MED16: variants seen among roughly 807,000 people sequenced by gnomAD.
MED16 encodes the protein mediator complex subunit 16.
Under a neutral mutation model 84.4 loss-of-function variants are expected in MED16, and 81 were observed. That is an observed-to-expected ratio of 0.96 (90% confidence interval 0.80 to 1.15). The LOEUF (loss-of-function observed/expected upper bound fraction) is 1.15, where lower values mean the gene tolerates loss of function less well. MED16 is among the 50% of genes most tolerant of loss of function. The probability of loss-of-function intolerance (pLI) is 0.00; values close to 1 mark genes in which losing one functional copy is unlikely to be tolerated. For synonymous variants in MED16, 897 were observed against 552.2 expected (o/e 1.62, Z -8.76); for missense variants, 1,585 against 1,245.9 (o/e 1.27, Z -4.10).
chr19:888,616 T>C (rs1430762630), intron 4 of MED16, among the ~76,000 whole-genome samples: 1 of 151,606 alleles, frequency 6.6e-6, no homozygotes, highest in East Asian at 1.9e-4. Flanking sequence ...CTGGACCGTG[T>C]GGGCTGCACA....
At chr19:882,869 T>C (rs112556341) in intron 6 of MED16, among the ~76,000 whole-genome samples, 2,820 of 152,260 alleles carry the variant, frequency 0.019, 44 homozygotes, top group Non-Finnish European at 0.024. Flanking sequence ...CTTGACCTCC[T>C]GCAAACCCGT....
chr19:888,630 T>C (rs117636494), intron 4 of MED16, among the ~76,000 whole-genome samples: 3,858 of 151,440 alleles, frequency 0.025, 55 homozygotes, highest in Middle Eastern at 0.079. Flanking sequence ...CTGCACACTC[T>C]CAATGGGTGA....
intron 13 of MED16, 53 bp downstream of exon 13, chr19:870,984 G>C (rs530725204): frequency 1.4e-6 from 2 of 1,460,256 alleles, no homozygotes; most frequent in African/African-American, 2.9e-5. Flanking sequence ...TCCCGGGGCA[G>C]GACACGGAGG....
Position 868,497 on chromosome 19 carries a change from C to T in MED16, c.2402G>A (p.Cys801Tyr). ...PTEECKACTR[C>Y]GCVTMLKSPN... Reference sequence around the variant, plus strand: ...CGACTTGAGCATGGTGACACAGCCGCACCTGCGGGGAGGCAGGCACTGAGC... The same window carrying T: ...CGACTTGAGCATGGTGACACAGCCGTACCTGCGGGGAGGCAGGCACTGAGC... Residue 801 changes from cysteine (C) to tyrosine (Y), a missense_variant and splice_region_variant, in exon 15 of 16, where the codon TGC (cysteine) becomes TAC (tyrosine). Transcript: ENST00000325464. 6.2e-7 allele frequency: 1 copy of T among 1,610,086 alleles called. No individual in the cohort carries two copies. Among genetic ancestry groups the T allele is most frequent in the Non-Finnish European group, 8.5e-7 (1 of 1,179,828 alleles).
chr19:873,659 C>T lies in MED16; in HGVS notation c.1772-77G>A, dbSNP rs559105777. 146 of 1,544,618 alleles carry T rather than the reference C, an allele frequency of 9.5e-5. 1 individual carries two copies. In the East Asian group the frequency reaches 2.6e-3, roughly 27 times the overall value. Reference sequence around the variant, plus strand: ...GACCTAACTGCACCCCTCGGTCCTTCGACCTGCACTGAGTGCCCACCCAGT... The same window carrying T: ...GACCTAACTGCACCCCTCGGTCCTTTGACCTGCACTGAGTGCCCACCCAGT... On this transcript the variant is annotated intron_variant, in intron 10 of 15. Transcript: ENST00000325464.
intron 1 of MED16, among the ~76,000 whole-genome samples, 166 bp from the exon 2 acceptor site, chr19:891,315 T>C (rs1027490436): frequency 6.6e-6 from 1 of 152,028 alleles, no homozygotes; most frequent in Non-Finnish European, 1.5e-5. Context: ...AGGGGGAACA[T>C]GGAGAGGTCA....
At chr19:872,951 G>GAGGGCTCCGAGGGAGGGC (rs2036120897) in intron 11 of MED16, 1 of 949,054 alleles carries the variant, frequency 1.1e-6, no homozygotes, top group South Asian at 2.9e-5. Flanking sequence ...CGAGGTGGGG[G>GAGGGCTCCGAGGGAGGGC]AGGGCTCCGA....
chr19:878,383 C>T lies in MED16; in HGVS notation c.1354-1203G>A, dbSNP rs1322901789. ...AGCCCCAGCCCCAGCCCCAGCCCCA[C>T]GTGCCCCAGCAGCTCACCTTTCCCT... On this transcript the variant is annotated intron_variant, in intron 8 of 15. Transcript: ENST00000325464. Among the ~76,000 whole-genome samples the T allele has an allele frequency of 6.9e-5, 7 of 101,046 alleles. No individual in the cohort carries two copies. The Admixed American group carries it at 8.7e-4, about 13-fold the overall frequency. 66.3% of individuals were successfully genotyped at this position (101,046 alleles called of 152,430 possible).
At chr19:889,543 G>C (rs1326304725) in intron 4 of MED16, 95 bp downstream of exon 4, 4 of 1,465,872 alleles carry the variant, frequency 2.7e-6, no homozygotes, top group Non-Finnish European at 3.7e-6. Context: ...CAAAAAACCA[G>C]GGGATGCTGG....
At chr19:891,568 G>A (rs1294293046) in intron 1 of MED16, among the ~76,000 whole-genome samples, 4 of 152,196 alleles carry the variant, frequency 2.6e-5, no homozygotes, top group South Asian at 2.1e-4. Flanking sequence ...GCGGTGGGGC[G>A]GCTCCCTGTA....
Position 871,975 on chromosome 19 carries a change from C to CT in MED16, c.2048dup (p.Asp684GlyfsTer20). 1 of 1,604,416 alleles carries CT rather than the reference C, an allele frequency of 6.2e-7. No homozygotes were observed. The highest frequency in any genetic ancestry group is 8.5e-7 in the Non-Finnish European group (1 of 1,176,872). The stretch of plus-strand genomic sequence containing the variant: ...GGCGGAAGAGCAGGGACATGCTGTC[C>CT]TGGGTATCCGAGGTGGCCGTATACA... On this transcript the variant is annotated frameshift_variant, in exon 12 of 16. Transcript: ENST00000325464. LOFTEE classifies it high-confidence loss of function.
At position 869,741 on chromosome 19, in the gene MED16, T is replaced by C. The variant is rs1025185678; in HGVS notation, c.2316-795A>G. 2.0e-5 allele frequency among the ~76,000 whole-genome samples: 3 copies of C among 152,222 alleles called. No individual in the cohort carries two copies. In the East Asian group the frequency reaches 5.8e-4, roughly 29 times the overall value. Reference sequence around the variant, plus strand: ...GGGCTGCTGGAGGTTCACTTCATTTTCTTCCTTTTGCTCATCTGTGTTTTC... The same window carrying C: ...GGGCTGCTGGAGGTTCACTTCATTTCCTTCCTTTTGCTCATCTGTGTTTTC... On this transcript the variant is annotated intron_variant, in intron 13 of 15. Coordinates refer to ENST00000325464, the MANE Select transcript of MED16 (RefSeq NM_005481.3).
At position 880,080 on chromosome 19, in the gene MED16, C is replaced by G. The variant is rs144143613; in HGVS notation, c.1210G>C (p.Val404Leu). ...CTCGGGGCCGCGGAGCTGTAGAAGA[C>G]GGCCATGGTCTGCAGTGAGAGCCGG... is the stretch of plus-strand genomic sequence containing the variant. ...VHRLSLQTMA[V>L]FYSSAAPRPV... The change falls in exon 8 of 16, where the codon GTC becomes CTC. Residue 404 changes from valine to leucine, a missense_variant. Physicochemically the swap from Val to Leu is conservative, Grantham distance 32. Coordinates refer to ENST00000325464, the MANE Select transcript of MED16 (RefSeq NM_005481.3). 6.2e-7 allele frequency: 1 copy of G among 1,610,754 alleles called. No individual in the cohort carries two copies. Among genetic ancestry groups the G allele is most frequent in the Non-Finnish European group, 8.5e-7 (1 of 1,179,386 alleles).
chr19:880,096 T>C lies in MED16; in HGVS notation c.1194A>G (p.Ser398=). 3.1e-6 allele frequency: 5 copies of C among 1,610,694 alleles called. No individual in the cohort carries two copies. Among genetic ancestry groups the C allele is most frequent in the South Asian group, 2.2e-5 (2 of 90,816 alleles). ...TGTAGAAGACGGCCATGGTCTGCAGTGAGAGCCGGTGCACGATGTGGACGC... is the reference window on the plus strand; with the variant it reads ...TGTAGAAGACGGCCATGGTCTGCAGCGAGAGCCGGTGCACGATGTGGACGC... ...DGSVHIVHRL[S]LQTMAVFYSS... The change falls in exon 8 of 16, where the codon TCA becomes TCG. Residue 398 remains serine (S), a synonymous_variant. Coordinates refer to ENST00000325464, the MANE Select transcript of MED16 (RefSeq NM_005481.3).
At chr19:883,300 GT>G (rs2036457974) in intron 6 of MED16, among the ~76,000 whole-genome samples, 1 of 148,954 alleles carries the variant, frequency 6.7e-6, no homozygotes, top group African/African-American at 2.5e-5. Context: ...GCCTGGCATG[GT>G]GGGCACGTGG....
chr19:886,698 C>G (rs533153746), intron 4 of MED16, among the ~76,000 whole-genome samples: 6 of 152,358 alleles, frequency 3.9e-5, no homozygotes, highest in African/African-American at 1.4e-4. Flanking sequence ...CTGCTGCGGG[C>G]ACTATTTGAT....
Position 874,137 on chromosome 19 carries a change from A to G in MED16, c.1772-555T>C, listed in dbSNP as rs901220178. 4.8e-4 allele frequency among the ~76,000 whole-genome samples: 64 copies of G among 133,156 alleles called. 1 individual carries two copies. The highest frequency in any genetic ancestry group is 1.6e-3 in the African/African-American group (58 of 36,972). The allele number at this position is 133,156 out of a possible 152,430, so 87.4% of individuals were successfully genotyped here. ...TAACCCTAAATTTTTTTTTTGAGACAGAGTCTCACTCTGTCGCCCAGGCTG... is the reference window on the plus strand; with the variant it reads ...TAACCCTAAATTTTTTTTTTGAGACGGAGTCTCACTCTGTCGCCCAGGCTG... On this transcript the variant is annotated intron_variant, in intron 10 of 15. Coordinates refer to ENST00000325464, the MANE Select transcript of MED16 (RefSeq NM_005481.3).
rs943488052 is a variant in MED16, at chr19:889,908, T to A, written c.278-101A>T. ...GGGGGAAGCCAGCCCAGTGGAGAGGTCTCGGCCCAGGTAGGGCACAGCAGG... is the reference window on the plus strand; with the variant it reads ...GGGGGAAGCCAGCCCAGTGGAGAGGACTCGGCCCAGGTAGGGCACAGCAGG... On this transcript the variant is annotated intron_variant, in intron 3 of 15. Coordinates refer to ENST00000325464, the MANE Select transcript of MED16 (RefSeq NM_005481.3). 4.3e-6 allele frequency: 6 copies of A among 1,405,324 alleles called. No homozygotes were observed. In the Middle Eastern group the frequency reaches 1.0e-3, roughly 238 times the overall value. 87.1% of individuals were successfully genotyped at this position (1,405,324 alleles called of 1,614,324 possible).
At chr19:870,737 TCGGGGGGGTCCTGGGG>T (rs2036028423) in intron 13 of MED16, among the ~76,000 whole-genome samples, 1 of 146,074 alleles carries the variant, frequency 6.8e-6, no homozygotes, top group African/African-American at 2.6e-5. Context: ...CCGTATGGAT[TCGGGGGGGTCCTGGGG>T]CAGGACATGG....
Sources: gnomAD v4.1 joint callset for allele counts (sites outside exome capture counted in the v4.1 genomes callset) on GRCh38, gnomAD v4.1.1 for gene constraint, MANE v1.5 for transcripts, NCBI Gene and HGNC (gene_info 2026-07-23, HGNC 2026-07-21) for gene names.